Variants in DYSF observed in about 807,000 individuals in gnomAD.
The protein encoded by DYSF is dystrophy-associated fer-1-like 1.
Under a neutral mutation model 274.9 loss-of-function variants are expected in DYSF, and 212 were observed. That is an observed-to-expected ratio of 0.77 (90% CI 0.69 to 0.86). DYSF has a LOEUF of 0.86. Ranked by LOEUF, DYSF falls within the 40% of genes least tolerant of loss-of-function variation. The pLI, the probability that DYSF is intolerant of heterozygous loss-of-function variation, is 0.00. For missense variants in DYSF, 2,666 were observed against 2,783.2 expected, an observed-to-expected ratio of 0.96 and a Z score of 0.95; for synonymous variants, 1,091 against 1,078.7, an observed-to-expected ratio of 1.01 and a Z score of -0.22.
intron 14 of DYSF, among the ~76,000 whole-genome samples, chr2:71,528,934 C>T (rs62143812): frequency 0.021 from 3,148 of 152,198 alleles, 47 homozygotes; most frequent in Middle Eastern, 0.034. Context: ...ACAGGCTGCC[C>T]ACCCCCCAGT....
In DYSF at chr2:71,570,598, G is replaced by A. The variant is rs1413496233; in HGVS notation, c.3086-1G>A. The A allele has an allele frequency of 6.2e-7, 1 of 1,613,668 alleles. No homozygotes were observed. The highest frequency in any genetic ancestry group is 1.1e-5 in the South Asian group (1 of 91,014). ...TGAGTGACCGGTTCCCCCTCCCCCA[G>A]GCTGGGAGTATAGCATCACCATCCC... On this transcript the variant is annotated splice_acceptor_variant, in intron 28 of 55. Transcript: ENST00000410020. LOFTEE classifies it high-confidence loss of function.
chr2:71,685,697 G>T (rs1444433575), intron 55 of DYSF, among the ~76,000 whole-genome samples: 1 of 152,210 alleles, frequency 6.6e-6, no homozygotes, highest in African/African-American at 2.4e-5. Flanking sequence ...AGCCAGCCGG[G>T]AGCAGGGCCA....
chr2:71,608,538 C>G (rs2093687063), intron 36 of DYSF, among the ~76,000 whole-genome samples: 1 of 152,144 alleles, frequency 6.6e-6, no homozygotes, highest in Non-Finnish European at 1.5e-5. Context: ...CTCTGCCTGT[C>G]TCTTCCTTCT....
intron 52 of DYSF, among the ~76,000 whole-genome samples, chr2:71,675,285 T>C (rs2095200470): frequency 6.6e-6 from 1 of 152,142 alleles, no homozygotes; most frequent in African/African-American, 2.4e-5. Flanking sequence ...ACACTTAAAG[T>C]GGTTAAAGTG....
intron 30 of DYSF, among the ~76,000 whole-genome samples, chr2:71,585,858 A>T (rs907365086): frequency 6.6e-6 from 1 of 152,104 alleles, no homozygotes; most frequent in Non-Finnish European, 1.5e-5. Flanking sequence ...GGGGAAATTC[A>T]GGGCGAAGTG....
intron 41 of DYSF, among the ~76,000 whole-genome samples, chr2:71,639,830 C>G (rs374162764): frequency 5.3e-5 from 8 of 152,146 alleles, no homozygotes; most frequent in Non-Finnish European, 1.2e-4. Flanking sequence ...TGTGGCCATC[C>G]GTGCCCCACC....
chr2:71,612,124 A>G (rs1486224181), intron 38 of DYSF, among the ~76,000 whole-genome samples: 1 of 152,232 alleles, frequency 6.6e-6, no homozygotes, highest in Admixed American at 6.5e-5. Flanking sequence ...GGTTTGCAAG[A>G]TGAAAGCGCT....
intron 17 of DYSF, among the ~76,000 whole-genome samples, chr2:71,546,815 C>T (rs925608728): frequency 1.3e-5 from 2 of 152,274 alleles, no homozygotes; most frequent in African/African-American, 4.8e-5. Context: ...AGTCAGGCAG[C>T]CAGCCGCCAT....
At chr2:71,574,429 T>C in intron 30 of DYSF, 58 bp downstream of exon 30, 1 of 1,585,044 alleles carries the variant, frequency 6.3e-7, no homozygotes, top group Non-Finnish European at 8.6e-7. Flanking sequence ...TTCCCAGGGC[T>C]GTTCGGGCTG....
chr2:71,671,626 C>T (rs2095123332), intron 51 of DYSF, among the ~76,000 whole-genome samples: 1 of 151,988 alleles, frequency 6.6e-6, no homozygotes. Flanking sequence ...TGACTTGAGA[C>T]CAGTGGAAAA....
chr2:71,585,140 T>G lies in DYSF; in HGVS notation c.3403-4453T>G, dbSNP rs577256475. On this transcript the variant is annotated intron_variant, in intron 30 of 55. Coordinates refer to ENST00000410020, the MANE Select transcript of DYSF (RefSeq NM_001130987.2). ...TCTAGTGATCGTAACTCAGTGGAGA[T>G]GCTACTGGTATCTAACAGGTAGAGG... Among the ~76,000 whole-genome samples the G allele has an allele frequency of 3.9e-5, 6 of 152,350 alleles. No individual in the cohort carries two copies. In the East Asian group the frequency reaches 1.2e-3, roughly 29 times the overall value.
chr2:71,464,609 G>T (rs1289900902), upstream of DYSF, among the ~76,000 whole-genome samples: 2 of 152,082 alleles, frequency 1.3e-5, no homozygotes, highest in Non-Finnish European at 2.9e-5. Flanking sequence ...GGTCAGAGAG[G>T]TCAGCCAGGG....
At chr2:71,600,579 G>A (rs1484551902) in intron 33 of DYSF, 123 bp from the exon 34 acceptor site, 9 of 1,346,716 alleles carry the variant, frequency 6.7e-6, no homozygotes, top group Middle Eastern at 3.6e-4. Context: ...TTCTGTGGGA[G>A]GGGGTGCCCT....
chr2:71,656,136 C>A (rs1460257195), intron 42 of DYSF, 26 bp from the exon 43 acceptor site: 1 of 1,613,842 alleles, frequency 6.2e-7, no homozygotes, highest in Non-Finnish European at 8.5e-7. Flanking sequence ...TCTCTTGTCC[C>A]CTCCTCTAAT....
chr2:71,565,640 G>C (rs1010149842), intron 24 of DYSF, among the ~76,000 whole-genome samples: 1 of 152,166 alleles, frequency 6.6e-6, no homozygotes, highest in Non-Finnish European at 1.5e-5. Flanking sequence ...CAGTCCTCTT[G>C]TTGTCCCCTG....
chr2:71,661,319 T>A (rs2094877985), intron 45 of DYSF, among the ~76,000 whole-genome samples: 1 of 151,908 alleles, frequency 6.6e-6, no homozygotes. Flanking sequence ...TTTCCCCCAC[T>A]GGTATCATCT....
intron 54 of DYSF, among the ~76,000 whole-genome samples, chr2:71,682,061 G>A (rs2095303386): frequency 6.6e-6 from 1 of 152,280 alleles, no homozygotes; most frequent in African/African-American, 2.4e-5. Flanking sequence ...GGTTGTGAGA[G>A]AACCAGCTTC....
intron 42 of DYSF, among the ~76,000 whole-genome samples, chr2:71,646,271 C>A (rs1448969780): frequency 6.6e-6 from 1 of 152,246 alleles, no homozygotes; most frequent in Non-Finnish European, 1.5e-5. Flanking sequence ...AAAAGTCAGA[C>A]AACCCAAGCA....
exon 1 of DYSF, chr2:71,453,952 G>A (rs1386190471): frequency 1.2e-6 from 2 of 1,603,212 alleles, no homozygotes; most frequent in African/African-American, 1.3e-5. Flanking sequence ...CGACCTTTCC[G>A]AGCCCTCTTT....
Sources: gnomAD v4.1 joint callset for allele counts (sites outside exome capture counted in the v4.1 genomes callset) on GRCh38, gnomAD v4.1.1 for gene constraint, MANE v1.5 for transcripts, NCBI Gene and HGNC (gene_info 2026-07-23, HGNC 2026-07-21) for gene names.